Variants in RAPGEF2 observed in about 807,000 individuals in gnomAD.
RAPGEF2 encodes Rap guanine nucleotide exchange factor 2.
In RAPGEF2, 54 loss-of-function variants were observed where a neutral mutation model predicts 186.7. That is an observed-to-expected ratio of 0.29 (90% CI 0.23 to 0.36). The LOEUF (loss-of-function observed/expected upper bound fraction) is 0.36, where lower values mean the gene tolerates loss of function less well. Among genes scored for constraint, RAPGEF2 ranks in the 10% least tolerant of loss-of-function variants. The probability of loss-of-function intolerance (pLI) is 1.00; values close to 1 mark genes in which losing one functional copy is unlikely to be tolerated. For missense variants in RAPGEF2, 1,532 were observed against 2,045.0 expected (o/e 0.75, Z 4.84); for synonymous variants, 712 against 705.9 (o/e 1.01, Z -0.14).
rs548831300 is a variant in RAPGEF2 at position 159,224,447 on chromosome 4, A to C, written c.281+13864A>C. ...AGACTTTAGAGTCTTTGTGTTAGGC[A>C]ATAAAGATGGTTTGAAGATGACATG... On this transcript the variant is annotated intron_variant, in intron 4 of 29. Coordinates refer to ENST00000691494, the MANE Select transcript of RAPGEF2 (RefSeq NM_001394067.2). Among the ~76,000 whole-genome samples the C allele has an allele frequency of 2.0e-5, 3 of 152,324 alleles. No homozygotes were observed. In the East Asian group the frequency reaches 5.8e-4, roughly 29 times the overall value.
intron 28 of RAPGEF2, among the ~76,000 whole-genome samples, chr4:159,354,788 C>A (rs142370367): frequency 6.6e-6 from 1 of 152,198 alleles, no homozygotes; most frequent in Non-Finnish European, 1.5e-5. Flanking sequence ...TCACTAAGTA[C>A]ATGAAAGCTA....
At chr4:159,163,098 C>CG (rs1411840484) in intron 1 of RAPGEF2, among the ~76,000 whole-genome samples, 2 of 152,190 alleles carry the variant, frequency 1.3e-5, no homozygotes, top group Non-Finnish European at 2.9e-5. Context: ...CTTTTTGTAT[C>CG]ATACTATTCC....
chr4:159,131,079 G>GTT (rs1485941811), intron 1 of RAPGEF2, among the ~76,000 whole-genome samples: 1 of 122,804 alleles, frequency 8.1e-6, no homozygotes, highest in Admixed American at 8.9e-5. Context: ...TTCGCGTGTT[G>GTT]TTTTGTGTGT....
At chr4:159,284,481 GACACACACACACACACACACACACACAC>G (rs36232973) in intron 7 of RAPGEF2, among the ~76,000 whole-genome samples, 2,784 of 140,444 alleles carry the variant, frequency 0.02, 97 homozygotes, top group African/African-American at 0.067. Context: ...CCGCCATGGA[GACACACACACACACACACACACACACAC>G]ACACACACAC....
intron 7 of RAPGEF2, among the ~76,000 whole-genome samples, chr4:159,245,866 G>C (rs1458709842): frequency 6.6e-6 from 1 of 152,020 alleles, no homozygotes; most frequent in Non-Finnish European, 1.5e-5. Flanking sequence ...CCAAATTGTA[G>C]AGGTTATGTG....
At chr4:159,131,520 T>TTG (rs747747003) in intron 1 of RAPGEF2, among the ~76,000 whole-genome samples, 1,102 of 54,336 alleles carry the variant, frequency 0.02, 100 homozygotes, top group Admixed American at 0.092. Flanking sequence ...TTAATTGCTA[T>TTG]TTTTTTTTTT....
chr4:159,307,803 C>T (rs183525491), intron 8 of RAPGEF2, among the ~76,000 whole-genome samples: 6 of 152,242 alleles, frequency 3.9e-5, no homozygotes, highest in African/African-American at 9.6e-5. Context: ...GAAACCCCAT[C>T]TCTACTAAAA....
intron 1 of RAPGEF2, among the ~76,000 whole-genome samples, chr4:159,165,194 T>C (rs1017072102): frequency 6.6e-6 from 1 of 152,190 alleles, no homozygotes; most frequent in Admixed American, 6.5e-5. Flanking sequence ...TGAACTGTTA[T>C]GGGCTCTCAA....
At chr4:159,316,954 C>G (rs982625793) in intron 9 of RAPGEF2, among the ~76,000 whole-genome samples, 2 of 152,188 alleles carry the variant, frequency 1.3e-5, no homozygotes, top group Non-Finnish European at 2.9e-5. Flanking sequence ...CACGAGATTT[C>G]CAGGGTCCAT....
chr4:159,181,407 T>A (rs1746993788), intron 1 of RAPGEF2, among the ~76,000 whole-genome samples: 1 of 152,184 alleles, frequency 6.6e-6, no homozygotes, highest in Admixed American at 6.5e-5. Context: ...TGAATTTATT[T>A]GCTTGATGGT....
intron 7 of RAPGEF2, among the ~76,000 whole-genome samples, chr4:159,270,878 A>G (rs1438949557): frequency 1.3e-5 from 2 of 152,168 alleles, no homozygotes; most frequent in African/African-American, 4.8e-5. Context: ...CTGTGTTTTT[A>G]TAGTCATGTG....
chr4:159,107,615 T>C (rs2111049957), intron 1 of RAPGEF2, among the ~76,000 whole-genome samples: 1 of 151,564 alleles, frequency 6.6e-6, no homozygotes, highest in Middle Eastern at 3.4e-3. Context: ...TAATCTTACT[T>C]TTTTTTGGGC....
chr4:159,348,151 G>C (rs549831126), intron 25 of RAPGEF2, among the ~76,000 whole-genome samples: 1 of 151,736 alleles, frequency 6.6e-6, no homozygotes, highest in Non-Finnish European at 1.5e-5. Context: ...AACCTGGGGG[G>C]TGGAAATTGT....
chr4:159,263,185 G>A (rs926676494), intron 7 of RAPGEF2, among the ~76,000 whole-genome samples: 10 of 152,064 alleles, frequency 6.6e-5, no homozygotes, highest in South Asian at 4.1e-4. Flanking sequence ...AATAGATGAC[G>A]TGAAAATGTA....
At chr4:159,348,237 T>TGG (rs1561329776) in intron 25 of RAPGEF2, among the ~76,000 whole-genome samples, 16 of 135,118 alleles carry the variant, frequency 1.2e-4, no homozygotes, top group African/African-American at 4.2e-4. Context: ...GATAGATAGA[T>TGG]AGATAGATGG....
At chr4:159,168,512 G>T (rs922446258) in intron 1 of RAPGEF2, among the ~76,000 whole-genome samples, 3 of 151,624 alleles carry the variant, frequency 2.0e-5, no homozygotes, top group South Asian at 4.2e-4. Flanking sequence ...CCCCACACAT[G>T]GTTCAGCACA....
chr4:159,126,492 A>G (rs1034595550), intron 1 of RAPGEF2, among the ~76,000 whole-genome samples: 1 of 151,382 alleles, frequency 6.6e-6, no homozygotes, highest in African/African-American at 2.4e-5. Flanking sequence ...AGTAATTTTG[A>G]TTGTAAAATG....
In RAPGEF2 at chr4:159,303,016, C is replaced by T. The variant is rs143727570; in HGVS notation, c.544-1326C>T. Among the ~76,000 whole-genome samples the T allele has an allele frequency of 8.3e-3, 1,259 of 152,194 alleles. 15 individuals carry two copies. The highest frequency in any genetic ancestry group is 0.028 in the African/African-American group (1,176 of 41,540). ...CCCTATTAAGTTTATGTTTAAATCT[C>T]CCCTTTGTATGCCTTGTATCCAATA... On this transcript the variant is annotated intron_variant, in intron 7 of 29. Transcript: ENST00000691494.
intron 7 of RAPGEF2, chr4:159,282,460 C>CGT (rs1244050928): frequency 1.2e-5 from 3 of 246,384 alleles, no homozygotes; most frequent in East Asian, 1.3e-4. Context: ...GTAGTCATTT[C>CGT]GTGTGTGTGT....
Sources: gnomAD v4.1 joint callset for allele counts (sites outside exome capture counted in the v4.1 genomes callset) on GRCh38, gnomAD v4.1.1 for gene constraint, MANE v1.5 for transcripts, NCBI Gene and HGNC (gene_info 2026-07-23, HGNC 2026-07-21) for gene names.